PLAC8: variants seen among roughly 807,000 people sequenced by gnomAD.
PLAC8 encodes placenta-specific gene 8 protein.
In PLAC8, 6 loss-of-function variants were observed where a neutral mutation model predicts 12.6. The observed-to-expected ratio is 0.48, with a 90% confidence interval of 0.26 to 0.94. The LOEUF (loss-of-function observed/expected upper bound fraction) is 0.94. PLAC8 is among the 40% of genes least tolerant of loss of function. The pLI, the probability that PLAC8 is intolerant of heterozygous loss-of-function variation, is 0.14. For missense variants in PLAC8, 122 were observed against 152.7 expected, an observed-to-expected ratio of 0.80 and a Z score of 1.06; for synonymous variants, 54 against 52.6, an observed-to-expected ratio of 1.03 and a Z score of -0.11.
intron 2 of PLAC8, among the ~76,000 whole-genome samples, chr4:83,106,536 G>A (rs1487820032): frequency 1.3e-5 from 2 of 151,940 alleles, no homozygotes; most frequent in African/African-American, 4.8e-5. Flanking sequence ...AGAATCACTT[G>A]AACCAGGGAG....
At chr4:83,107,734 G>T in intron 2 of PLAC8, 70 bp downstream of exon 2, 2 of 766,914 alleles carry the variant, frequency 2.6e-6, no homozygotes, top group Non-Finnish European at 2.0e-6. Flanking sequence ...AGGGAGGAAT[G>T]GGGGAAGGAT....
intron 4 of PLAC8, chr4:83,093,092 C>T (rs12651522): frequency 0.44 from 66,666 of 151,988 alleles, 16,582 homozygotes; most frequent in Admixed American, 0.57. Flanking sequence ...CCACTGCACT[C>T]AGCCTCCATT....
chr4:83,108,709 T>C (rs1578745202), intron 1 of PLAC8, among the ~76,000 whole-genome samples: 1 of 152,210 alleles, frequency 6.6e-6, no homozygotes, highest in Non-Finnish European at 1.5e-5. Flanking sequence ...TTTAGACAGG[T>C]ACCTGGTATT....
intron 3 of PLAC8, 42 bp downstream of exon 3, chr4:83,104,854 T>C: frequency 1.3e-6 from 2 of 1,599,192 alleles, no homozygotes; most frequent in Non-Finnish European, 1.7e-6. Flanking sequence ...TTATTTTGAA[T>C]GGGGTGCATA....
At chr4:83,101,357 G>A (rs1400141277) in intron 3 of PLAC8, among the ~76,000 whole-genome samples, 3 of 152,182 alleles carry the variant, frequency 2.0e-5, no homozygotes, top group Non-Finnish European at 4.4e-5. Flanking sequence ...ACTCCAGCCT[G>A]ACGACAGAGC....
chr4:83,107,665 A>AT (rs1165069508), intron 2 of PLAC8, 139 bp downstream of exon 2: 2 of 129,828 alleles, frequency 1.5e-5, no homozygotes, highest in Non-Finnish European at 3.3e-5. Context: ...TTTGCTAAAC[A>AT]TACCATTGCC....
At chr4:83,111,418 G>A (rs994482823) in intron 1 of PLAC8, among the ~76,000 whole-genome samples, 1 of 151,900 alleles carries the variant, frequency 6.6e-6, no homozygotes, top group Non-Finnish European at 1.5e-5. Flanking sequence ...TGTAATCCTA[G>A]CACTTTGGGA....
intron 4 of PLAC8, chr4:83,092,982 A>T (rs1731844169): frequency 6.6e-6 from 1 of 151,514 alleles, no homozygotes; most frequent in Non-Finnish European, 1.5e-5. Context: ...TTTTTTCAAG[A>T]GACAGGGTTT....
intron 1 of PLAC8, among the ~76,000 whole-genome samples, chr4:83,110,683 AAAC>A (rs1273323202): frequency 6.6e-6 from 1 of 152,218 alleles, no homozygotes; most frequent in African/African-American, 2.4e-5. Context: ...CTGGAAACGC[AAAC>A]AAGGCTAATG....
rs1242695445 is a variant in PLAC8 at position 83,104,898 on chromosome 4, G to C, written c.241C>G (p.Pro81Ala). The change falls in exon 3 of 5, where the codon CCT becomes GCT. Residue 81 changes from proline (P) to alanine (A), a missense_variant and splice_region_variant. Coordinates refer to ENST00000311507, the MANE Select transcript of PLAC8 (RefSeq NM_016619.3). ...AGATGGTATGGTAAGAGACTCACAG[G>C]GATGCCATATCGGGTCCTGTAGAGA... ...RTLYRTRYGI[P>A]GSICDDYMAT... The C allele has an allele frequency of 6.2e-7, 1 of 1,613,924 alleles. No homozygotes were observed. Among genetic ancestry groups the C allele is most frequent in the Non-Finnish European group, 8.5e-7 (1 of 1,179,892 alleles).
chr4:83,091,833 A>G (rs1199507896), intron 4 of PLAC8, among the ~76,000 whole-genome samples: 1 of 152,080 alleles, frequency 6.6e-6, no homozygotes, highest in Non-Finnish European at 1.5e-5. Context: ...TTCAACATAC[A>G]TACTTTTTTT....
intron 3 of PLAC8, among the ~76,000 whole-genome samples, chr4:83,101,246 G>A (rs571783472): frequency 5.3e-5 from 8 of 152,280 alleles, no homozygotes; most frequent in East Asian, 1.9e-4. Context: ...TGGGTGTGGC[G>A]GCACGGGCCT....
At chr4:83,104,168 TGA>T (rs1732180973) in intron 3 of PLAC8, among the ~76,000 whole-genome samples, 1 of 152,260 alleles carries the variant, frequency 6.6e-6, no homozygotes, top group Non-Finnish European at 1.5e-5. Context: ...TGTTGTTTTT[TGA>T]GACATAATGT....
chr4:83,103,442 A>G (rs1394083496), intron 3 of PLAC8, among the ~76,000 whole-genome samples: 2 of 152,140 alleles, frequency 1.3e-5, no homozygotes, highest in African/African-American at 4.8e-5. Flanking sequence ...GATGGAATCA[A>G]CTCCTGGTGA....
At chr4:83,097,866 T>TA (rs1731982116) in intron 3 of PLAC8, among the ~76,000 whole-genome samples, 1 of 150,558 alleles carries the variant, frequency 6.6e-6, no homozygotes, top group African/African-American at 2.4e-5. Flanking sequence ...GAGGGTTTTT[T>TA]TTTTTTTTTT....
At chr4:83,109,153 G>A (rs929232590) in intron 1 of PLAC8, among the ~76,000 whole-genome samples, 4 of 152,124 alleles carry the variant, frequency 2.6e-5, no homozygotes, top group Admixed American at 1.3e-4. Flanking sequence ...TTAACTAGCC[G>A]TTTAAATGTC....
chr4:83,107,889 G>C lies in PLAC8; in HGVS notation c.33C>G (p.Thr11=). 1.3e-6 allele frequency: 2 copies of C among 1,582,536 alleles called. No individual in the cohort carries two copies. The highest frequency in any genetic ancestry group is 1.7e-6 in the Non-Finnish European group (2 of 1,162,124). Residue 11 remains threonine, a synonymous_variant, in exon 2 of 5, where the codon ACC becomes ACG. Transcript: ENST00000311507. Reference sequence around the variant, plus strand: ...CCGGACCGGGACCGACTCCAGGTTGGGTCACAACGACCACCGGCGCCTGAG... The same window carrying C: ...CCGGACCGGGACCGACTCCAGGTTGCGTCACAACGACCACCGGCGCCTGAG... MQAQAPVVVV[T]QPGVGPGPAP...
intron 3 of PLAC8, among the ~76,000 whole-genome samples, chr4:83,095,650 G>A (rs1345742659): frequency 6.6e-6 from 1 of 152,168 alleles, no homozygotes; most frequent in African/African-American, 2.4e-5. Flanking sequence ...ATCTTCCCTA[G>A]TGGGAGGTTA....
chr4:83,091,221 A>T (rs1361380357), intron 4 of PLAC8, among the ~76,000 whole-genome samples: 1 of 152,160 alleles, frequency 6.6e-6, no homozygotes, highest in African/African-American at 2.4e-5. Context: ...CAGATTACTC[A>T]GTTTTTACCT....
Sources: gnomAD v4.1 joint callset for allele counts (sites outside exome capture counted in the v4.1 genomes callset) on GRCh38, gnomAD v4.1.1 for gene constraint, MANE v1.5 for transcripts, NCBI Gene and HGNC (gene_info 2026-07-23, HGNC 2026-07-21) for gene names.